Variants in DSCAML1 observed in about 807,000 individuals in gnomAD.
The protein encoded by DSCAML1 is DS cell adhesion molecule like 1.
In DSCAML1, 38 loss-of-function variants were observed where a neutral mutation model predicts 200.5. The ratio of observed to expected loss-of-function variants is 0.19; its 90% confidence interval spans 0.15 to 0.25. DSCAML1 has a LOEUF of 0.25. DSCAML1 is among the 10% of genes least tolerant of loss of function. DSCAML1 has a pLI of 1.00. For missense variants in DSCAML1, 2,223 were observed against 2,858.8 expected, an observed-to-expected ratio of 0.78 and a Z score of 5.07; for synonymous variants, 1,215 against 1,165.0, an observed-to-expected ratio of 1.04 and a Z score of -0.87.
At chr11:117,445,180 A>G (rs1291613295) in intron 20 of DSCAML1, among the ~76,000 whole-genome samples, 1 of 152,216 alleles carries the variant, frequency 6.6e-6, no homozygotes, top group Non-Finnish European at 1.5e-5. Flanking sequence ...CCAATAACTT[A>G]TAACAGGAGG....
intron 8 of DSCAML1, among the ~76,000 whole-genome samples, chr11:117,509,896 G>A (rs1034626843): frequency 5.9e-5 from 9 of 152,324 alleles, no homozygotes; most frequent in Non-Finnish European, 1.2e-4. Flanking sequence ...ATCTGCCCCC[G>A]AGTCCCAGCG....
intron 3 of DSCAML1, among the ~76,000 whole-genome samples, chr11:117,637,463 A>C (rs1222595081): frequency 2.0e-5 from 3 of 150,828 alleles, no homozygotes; most frequent in African/African-American, 7.3e-5. Flanking sequence ...CTCCTGCCTC[A>C]GCCTCCCGAG....
rs2047713728 is a variant in DSCAML1 at position 117,428,565 on chromosome 11, G to A, written c.5925C>T (p.Ala1975=). 2 of 1,569,438 alleles carry A rather than the reference G, an allele frequency of 1.3e-6. No individual in the cohort carries two copies. The highest frequency in any genetic ancestry group is 1.7e-6 in the Non-Finnish European group (2 of 1,157,556). Residue 1975 remains alanine, a synonymous_variant, in exon 33 of 33, where the codon GCC becomes GCT. Transcript: ENST00000651296. ...CTGTGCCGGCTGGGGGGGCTGGCAT[G>A]GCCAGAGTCCTCTGAGGTAAGGTGG... The part of the protein sequence containing the change: ...STATLPQRTL[A]MPAPPAGTAP...
chr11:117,458,839 G>C lies in DSCAML1; in HGVS notation c.3483C>G (p.Thr1161=), dbSNP rs1161723428. Reference sequence around the variant, plus strand: ...AGGCCAGCACCTGGACGCTGTAGTTGGTGAACTTCTCCATGCCCCGCAGCT... The same window carrying C: ...AGGCCAGCACCTGGACGCTGTAGTTCGTGAACTTCTCCATGCCCCGCAGCT... ...RVELRGMEKF[T]NYSVQVLAYT... The change falls in exon 19 of 33, where the codon ACC becomes ACG. Residue 1161 remains threonine, a synonymous_variant. Transcript: ENST00000651296. The C allele has an allele frequency of 6.2e-7, 1 of 1,613,946 alleles. No individual in the cohort carries two copies. The highest frequency in any genetic ancestry group is 1.3e-5 in the African/African-American group (1 of 74,916).
Position 117,469,755 on chromosome 11 carries a change from C to T in DSCAML1, c.3024+155G>A, listed in dbSNP as rs1026899339. ...AGGGACCTGCCTTTGCCTCCCTCTCCTTCCATCTCTCAAATCTCACTAGGT... is the reference window on the plus strand; with the variant it reads ...AGGGACCTGCCTTTGCCTCCCTCTCTTTCCATCTCTCAAATCTCACTAGGT... On this transcript the variant is annotated intron_variant, in intron 16 of 32. Coordinates refer to ENST00000651296, the MANE Select transcript of DSCAML1 (RefSeq NM_020693.4). The surrounding 1 kb of genome is among the most constrained non-coding windows in gnomAD (Gnocchi z 4.1). 5.9e-5 allele frequency among the ~76,000 whole-genome samples: 9 copies of T among 151,968 alleles called. No individual in the cohort carries two copies. Among genetic ancestry groups the T allele is most frequent in the Non-Finnish European group, 8.8e-5 (6 of 67,998 alleles).
At position 117,471,954 on chromosome 11, in the gene DSCAML1, A is replaced by T; in HGVS notation, c.2868T>A (p.Ser956=). The change falls in exon 15 of 33, where the codon TCT becomes TCA. Residue 956 remains serine (S), a synonymous_variant. Coordinates refer to ENST00000651296, the MANE Select transcript of DSCAML1 (RefSeq NM_020693.4). ...AAGAGTACATGCGGATGCTGTACAC[A>T]GATGCCGGGTGCAAGTCCACAATGT... ...QANIVDLHPA[S]VYSIRMYSFN... is the part of the protein sequence containing the mutation. The T allele has an allele frequency of 6.2e-7, 1 of 1,614,160 alleles. No homozygotes were observed. The highest frequency in any genetic ancestry group is 8.5e-7 in the Non-Finnish European group (1 of 1,180,024).
At chr11:117,599,744 C>T (rs191841066) in intron 3 of DSCAML1, among the ~76,000 whole-genome samples, 1 of 152,296 alleles carries the variant, frequency 6.6e-6, no homozygotes, top group Admixed American at 6.5e-5. Context: ...CAGAGGATGT[C>T]CAGCTGGGTC....
intron 1 of DSCAML1, among the ~76,000 whole-genome samples, chr11:117,805,604 C>T (rs1238323411): frequency 3.3e-5 from 5 of 152,180 alleles, no homozygotes; most frequent in Non-Finnish European, 5.9e-5. Flanking sequence ...TCTCCAAGTG[C>T]TACAGTATGA....
At position 117,601,604 on chromosome 11, in the gene DSCAML1, C is replaced by T. The variant is rs1010264720; in HGVS notation, c.512-69082G>A. 6.6e-5 allele frequency among the ~76,000 whole-genome samples: 10 copies of T among 152,304 alleles called. No homozygotes were observed. The East Asian group carries it at 1.9e-3, about 29-fold the overall frequency. On this transcript the variant is annotated intron_variant, in intron 3 of 32. Transcript: ENST00000651296. ...GGATTCTGGTTTAAATGCAAATACC[C>T]CTGAGAGAGGCAACACTATAGAATG...
intron 18 of DSCAML1, among the ~76,000 whole-genome samples, chr11:117,459,822 C>A (rs779557425): frequency 1.3e-5 from 2 of 152,226 alleles, no homozygotes; most frequent in African/African-American, 2.4e-5. Flanking sequence ...CAGCACCTCG[C>A]GGATGGTCCA....
chr11:117,685,466 A>T (rs1255030044), intron 3 of DSCAML1, among the ~76,000 whole-genome samples: 2 of 152,188 alleles, frequency 1.3e-5, no homozygotes, highest in African/African-American at 4.8e-5. Context: ...GGGCATGCAC[A>T]GTTGGGCCCA....
chr11:117,691,865 C>T (rs2053500296), intron 3 of DSCAML1, among the ~76,000 whole-genome samples: 1 of 152,038 alleles, frequency 6.6e-6, no homozygotes, highest in African/African-American at 2.4e-5. Context: ...GAGTGGAATC[C>T]CACCCGAGGG....
intron 3 of DSCAML1, among the ~76,000 whole-genome samples, chr11:117,682,772 C>G (rs1339923936): frequency 6.6e-6 from 1 of 152,164 alleles, no homozygotes; most frequent in East Asian, 1.9e-4. Flanking sequence ...GAGACAGGTA[C>G]ATGACTCTCT....
At position 117,608,169 on chromosome 11, in the gene DSCAML1, A is replaced by G. The variant is rs143428917; in HGVS notation, c.512-75647T>C. The stretch of plus-strand genomic sequence containing the variant: ...AGCGGGTAAATCTACGGGGGGATAT[A>G]GAGATGAACAAATGTAAAGTGTAGC... On this transcript the variant is annotated intron_variant, in intron 3 of 32. Transcript: ENST00000651296. Among the ~76,000 whole-genome samples, 503 of 152,378 alleles carry G rather than the reference A, an allele frequency of 3.3e-3. 5 individuals are homozygous for G. Among genetic ancestry groups the G allele is most frequent in the African/African-American group, 0.012 (484 of 41,596 alleles).
chr11:117,672,723 C>T (rs2053136378), intron 3 of DSCAML1, among the ~76,000 whole-genome samples: 1 of 152,210 alleles, frequency 6.6e-6, no homozygotes, highest in Non-Finnish European at 1.5e-5. Context: ...TTTGATTCGT[C>T]TCCTCTAGTG....
intron 1 of DSCAML1, among the ~76,000 whole-genome samples, chr11:117,784,562 C>G (rs2055317793): frequency 6.6e-6 from 1 of 152,218 alleles, no homozygotes; most frequent in Non-Finnish European, 1.5e-5. Context: ...TGTCCTAACT[C>G]TGGCCTCACA....
At chr11:117,547,185 C>CG (rs964920045) in intron 3 of DSCAML1, among the ~76,000 whole-genome samples, 2 of 152,158 alleles carry the variant, frequency 1.3e-5, no homozygotes, top group Non-Finnish European at 2.9e-5. Flanking sequence ...AGAGCCCAGC[C>CG]GGGGGCGACA....
At chr11:117,443,596 G>A (rs1352620252) in intron 21 of DSCAML1, among the ~76,000 whole-genome samples, 1 of 152,202 alleles carries the variant, frequency 6.6e-6, no homozygotes, top group African/African-American at 2.4e-5. Context: ...GGGTAGAGGC[G>A]ACTCCCCCTT....
At chr11:117,544,790 C>T (rs948576520) in intron 3 of DSCAML1, among the ~76,000 whole-genome samples, 1 of 152,196 alleles carries the variant, frequency 6.6e-6, no homozygotes, top group African/African-American at 2.4e-5. Flanking sequence ...TTAGATCCTC[C>T]TTGTTTTGGA....
Sources: allele counts gnomAD v4.1 joint callset (sites outside exome capture counted in the v4.1 genomes callset), GRCh38; gene constraint gnomAD v4.1.1; non-coding constraint Gnocchi (gnomAD v3.1); transcripts MANE v1.5; gene names NCBI Gene and HGNC (gene_info 2026-07-23, HGNC 2026-07-21).